Variants in RIMS2 observed in about 807,000 individuals in gnomAD.
The protein encoded by RIMS2 is regulating synaptic membrane exocytosis protein 2.
In RIMS2, 59 loss-of-function variants were observed where a neutral mutation model predicts 174.4. That is an observed-to-expected ratio of 0.34 (90% CI 0.27 to 0.42). The LOEUF (loss-of-function observed/expected upper bound fraction) is 0.42. RIMS2 is among the 10% of genes least tolerant of loss of function. The pLI, the probability that RIMS2 is intolerant of heterozygous loss-of-function variation, is 1.00. For missense variants in RIMS2, 1,620 were observed against 1,666.3 expected, an observed-to-expected ratio of 0.97 and a Z score of 0.48; for synonymous variants, 606 against 572.5, an observed-to-expected ratio of 1.06 and a Z score of -0.84.
intron 3 of RIMS2, among the ~76,000 whole-genome samples, chr8:103,791,961 C>A (rs2098503188): frequency 6.6e-6 from 1 of 152,106 alleles, no homozygotes; most frequent in Non-Finnish European, 1.5e-5. Context: ...GACTCCCACA[C>A]AATAATAATG....
intron 19 of RIMS2, among the ~76,000 whole-genome samples, chr8:104,098,334 G>T (rs1300193641): frequency 1.7e-4 from 26 of 152,078 alleles, no homozygotes; most frequent in Admixed American, 1.7e-3. Context: ...GTGGATGGAT[G>T]TTTGAGGATA....
chr8:103,594,926 C>T (rs567560360), intron 1 of RIMS2, among the ~76,000 whole-genome samples: 1 of 151,806 alleles, frequency 6.6e-6, no homozygotes, highest in Admixed American at 6.6e-5. Context: ...GATTTGAAAG[C>T]CAGATAGCTC....
intron 2 of RIMS2, among the ~76,000 whole-genome samples, chr8:103,702,484 T>A (rs1188011540): frequency 6.6e-6 from 1 of 151,284 alleles, no homozygotes; most frequent in East Asian, 1.9e-4. Context: ...GTTTTTGAGG[T>A]CTTATTCAAT....
At chr8:103,645,199 T>G (rs2096302767) in intron 1 of RIMS2, among the ~76,000 whole-genome samples, 1 of 152,110 alleles carries the variant, frequency 6.6e-6, no homozygotes, top group Non-Finnish European at 1.5e-5. Context: ...TGAATGTTTA[T>G]ATGACATTTG....
chr8:103,892,497 C>A (rs956127997), intron 4 of RIMS2, among the ~76,000 whole-genome samples: 1 of 151,982 alleles, frequency 6.6e-6, no homozygotes, highest in South Asian at 2.1e-4. Flanking sequence ...AGCCACCACT[C>A]CTGACTTGTA....
Position 103,918,365 on chromosome 8 carries a change from G to A in RIMS2, c.2037-76G>A, listed in dbSNP as rs1595119614. The A allele has an allele frequency of 4.7e-6, 4 of 854,330 alleles. No homozygotes were observed. The East Asian group carries it at 9.9e-5, about 21-fold the overall frequency. The allele number at this position is 854,330 out of a possible 1,614,324, so 52.9% of individuals were successfully genotyped here. On this transcript the variant is annotated intron_variant, in intron 8 of 23. Transcript: ENST00000504942. ...TTTTACACTCTCCTATTAATAGGTTGATAATAATAAAAAATATGAGTTGCA... is the reference window on the plus strand; with the variant it reads ...TTTTACACTCTCCTATTAATAGGTTAATAATAATAAAAAATATGAGTTGCA...
chr8:103,526,640 TAAATG>T (rs1206578848), intron 1 of RIMS2, among the ~76,000 whole-genome samples: 1 of 152,054 alleles, frequency 6.6e-6, no homozygotes, highest in South Asian at 2.1e-4. Flanking sequence ...AAAAAGGTAA[TAAATG>T]AAATTAAGAA....
intron 19 of RIMS2, among the ~76,000 whole-genome samples, chr8:104,154,445 C>T (rs1447067): frequency 0.78 from 118,824 of 152,176 alleles, 47,401 homozygotes; most frequent in East Asian, 1. Flanking sequence ...TTTTTAATTC[C>T]TTTACATTTT....
At chr8:103,723,184 C>T (rs2097477670) in intron 2 of RIMS2, among the ~76,000 whole-genome samples, 1 of 152,188 alleles carries the variant, frequency 6.6e-6, no homozygotes, top group African/African-American at 2.4e-5. Flanking sequence ...CAAGGACTTC[C>T]TTACCCTCAC....
intron 16 of RIMS2, among the ~76,000 whole-genome samples, chr8:103,981,970 GT>G (rs988892797): frequency 6.6e-6 from 1 of 152,022 alleles, no homozygotes; most frequent in South Asian, 2.1e-4. Context: ...AAACAGGTTT[GT>G]TTTTTTAAAG....
chr8:104,147,785 C>G (rs1322886780), intron 19 of RIMS2, among the ~76,000 whole-genome samples: 1 of 152,212 alleles, frequency 6.6e-6, no homozygotes, highest in South Asian at 2.1e-4. Flanking sequence ...GCTTTCTAAT[C>G]TACCTCTACC....
At chr8:103,598,346 T>C (rs1042521240) in intron 1 of RIMS2, among the ~76,000 whole-genome samples, 2 of 152,324 alleles carry the variant, frequency 1.3e-5, no homozygotes, top group South Asian at 4.1e-4. Flanking sequence ...GCTCTTTTGG[T>C]CTTGTGCTAC....
chr8:103,595,062 G>A (rs920471301), intron 1 of RIMS2, among the ~76,000 whole-genome samples: 8 of 151,632 alleles, frequency 5.3e-5, no homozygotes, highest in Admixed American at 4.0e-4. Context: ...TAAAATGGAT[G>A]GTATATGCTT....
intron 1 of RIMS2, among the ~76,000 whole-genome samples, chr8:103,514,010 A>G (rs572153036): frequency 1.4e-5 from 2 of 143,710 alleles, no homozygotes; most frequent in South Asian, 2.3e-4. Context: ...GTGTTTCCCT[A>G]TTGCCAGCTA....
chr8:103,814,222 GAAC>G (rs927146993), intron 3 of RIMS2, among the ~76,000 whole-genome samples: 6 of 152,040 alleles, frequency 3.9e-5, no homozygotes, highest in African/African-American at 1.4e-4. Context: ...ACATAGAGGG[GAAC>G]AACAGACACT....
intron 2 of RIMS2, among the ~76,000 whole-genome samples, chr8:103,752,633 T>G (rs937192555): frequency 2.0e-5 from 3 of 152,220 alleles, no homozygotes; most frequent in African/African-American, 7.2e-5. Context: ...TATTTCTCCT[T>G]GAAGAGGTCC....
intron 3 of RIMS2, among the ~76,000 whole-genome samples, chr8:103,851,517 T>C (rs965388227): frequency 6.6e-6 from 1 of 151,444 alleles, no homozygotes; most frequent in Non-Finnish European, 1.5e-5. Context: ...TGACTAAGAG[T>C]AGAGTATATT....
chr8:103,951,104 A>G (rs1195604106), intron 14 of RIMS2, among the ~76,000 whole-genome samples: 2 of 152,222 alleles, frequency 1.3e-5, no homozygotes, highest in Non-Finnish European at 2.9e-5. Flanking sequence ...CATAATCAAA[A>G]CTAAATACAA....
chr8:103,897,651 G>A (rs1473625710), intron 4 of RIMS2, among the ~76,000 whole-genome samples: 2 of 151,610 alleles, frequency 1.3e-5, no homozygotes, highest in Non-Finnish European at 2.9e-5. Context: ...TTTGGTCATT[G>A]ATGATTTATG....
Sources: gnomAD v4.1 joint callset for allele counts (sites outside exome capture counted in the v4.1 genomes callset) on GRCh38, gnomAD v4.1.1 for gene constraint, MANE v1.5 for transcripts, NCBI Gene and HGNC (gene_info 2026-07-23, HGNC 2026-07-21) for gene names.